RHBDD1: variants seen among roughly 807,000 people sequenced by gnomAD.
RHBDD1 encodes rhomboid-related protein 4.
Under a neutral mutation model 36.3 loss-of-function variants are expected in RHBDD1, and 38 were observed. That is an observed-to-expected ratio of 1.05 (90% CI 0.81 to 1.37). RHBDD1 has a LOEUF of 1.37. Among genes scored for constraint, RHBDD1 ranks in the 40% most tolerant of loss-of-function variants. The pLI is 0.00. For synonymous variants in RHBDD1, 151 were observed against 136.5 expected (o/e 1.11, Z -0.74); for missense variants, 393 against 377.6 (o/e 1.04, Z -0.34).
At chr2:226,911,909 G>C (rs1356644685) in intron 7 of RHBDD1, among the ~76,000 whole-genome samples, 1 of 151,808 alleles carries the variant, frequency 6.6e-6, no homozygotes, top group Non-Finnish European at 1.5e-5. Context: ...ACTGCACTGG[G>C]GCAAAGCTTT....
chr2:226,933,584 CAT>C (rs1950161024), intron 8 of RHBDD1, among the ~76,000 whole-genome samples: 1 of 151,990 alleles, frequency 6.6e-6, no homozygotes, highest in African/African-American at 2.4e-5. Context: ...AGGAAGTGCT[CAT>C]GTGTCATTTT....
At chr2:226,864,438 G>T (rs1944142561) in intron 3 of RHBDD1, among the ~76,000 whole-genome samples, 166 bp from the exon 4 acceptor site, 1 of 152,178 alleles carries the variant, frequency 6.6e-6, no homozygotes. Flanking sequence ...TGAAGGAAGG[G>T]TGTCAGTCAG....
In RHBDD1 at chr2:226,997,207, C is replaced by G. The variant is rs1468311424; in HGVS notation, c.*1685C>G. 1 of 152,150 alleles carries G rather than the reference C, an allele frequency of 6.6e-6. No homozygotes were observed. The highest frequency in any genetic ancestry group is 2.4e-5 in the African/African-American group (1 of 41,422). 9.4% of individuals were successfully genotyped at this position (152,150 alleles called of 1,614,324 possible). A position where few individuals can be genotyped will look rare whatever the true frequency, so the allele number is the denominator to read the frequency against. On this transcript the variant is annotated 3_prime_UTR_variant, in exon 9 of 9. Transcript: ENST00000392062. ...TATAACTGATATAAAACTACATCTTCTTTATAATATAAATTGTACCTGTGA... is the reference window on the plus strand; with the variant it reads ...TATAACTGATATAAAACTACATCTTGTTTATAATATAAATTGTACCTGTGA...
chr2:226,812,647 C>CT, the RHBDD1 span, among the ~76,000 whole-genome samples: 28 of 150,394 alleles, frequency 1.9e-4, no homozygotes, highest in South Asian at 1.1e-3. Context: ...CTCTCTCTCT[C>CT]TTTTTTTTTG....
At position 226,860,793 on chromosome 2, in the gene RHBDD1, A is replaced by G. The variant is rs530541314; in HGVS notation, c.-90-3811A>G. Among the ~76,000 whole-genome samples, 4 of 152,312 alleles carry G rather than the reference A, an allele frequency of 2.6e-5. No homozygotes were observed. In the South Asian group the frequency reaches 8.3e-4, roughly 32 times the overall value. On this transcript the variant is annotated intron_variant, in intron 3 of 8. Transcript: ENST00000392062. ...CAAAGGTGGAGCCCAAAAGACGGGCACTTCTCACATTGGCTATGGTTATAT... is the reference window on the plus strand; with the variant it reads ...CAAAGGTGGAGCCCAAAAGACGGGCGCTTCTCACATTGGCTATGGTTATAT...
chr2:226,895,584 G>C (rs557882304), intron 5 of RHBDD1: 20 of 725,380 alleles, frequency 2.8e-5, no homozygotes, highest in Non-Finnish European at 3.0e-5. Context: ...GGGAGTCGGG[G>C]GAGATTCTTG....
intron 8 of RHBDD1, among the ~76,000 whole-genome samples, chr2:226,966,428 T>C (rs747841396): frequency 5.3e-5 from 8 of 152,156 alleles, no homozygotes. Flanking sequence ...ACGGACATGC[T>C]TCGTGTTTTC....
intron 5 of RHBDD1, among the ~76,000 whole-genome samples, chr2:226,896,097 T>C (rs573650148): frequency 6.6e-6 from 1 of 152,358 alleles, no homozygotes; most frequent in South Asian, 2.1e-4. Flanking sequence ...TGTATACAAT[T>C]ATTCTAGGAA....
chr2:226,979,674 TC>T (rs1164245391), intron 8 of RHBDD1, among the ~76,000 whole-genome samples: 1 of 152,176 alleles, frequency 6.6e-6, no homozygotes, highest in East Asian at 1.9e-4. Flanking sequence ...ATACTGGCAA[TC>T]CACTGGATGG....
the RHBDD1 span, among the ~76,000 whole-genome samples, chr2:226,802,310 A>G: frequency 6.6e-6 from 1 of 152,200 alleles, no homozygotes; most frequent in African/African-American, 2.4e-5. Flanking sequence ...GTTCAGACCA[A>G]TGGGTTTCCT....
At chr2:226,939,642 C>A (rs1950546299) in intron 8 of RHBDD1, among the ~76,000 whole-genome samples, 1 of 152,208 alleles carries the variant, frequency 6.6e-6, no homozygotes, top group Non-Finnish European at 1.5e-5. Flanking sequence ...AAAAGCATTC[C>A]ATGCTCATGG....
the RHBDD1 span, among the ~76,000 whole-genome samples, chr2:226,818,251 C>A: frequency 6.7e-6 from 1 of 149,742 alleles, no homozygotes; most frequent in Non-Finnish European, 1.5e-5. Flanking sequence ...CCTCCGCCTC[C>A]CATGTTCACA....
chr2:226,971,866 C>T (rs1575333667), intron 8 of RHBDD1, among the ~76,000 whole-genome samples: 1 of 149,840 alleles, frequency 6.7e-6, no homozygotes, highest in Non-Finnish European at 1.5e-5. Flanking sequence ...TGGCAAGGAA[C>T]TTATTGAACA....
intron 8 of RHBDD1, among the ~76,000 whole-genome samples, chr2:226,968,480 T>C (rs1268893130): frequency 6.6e-6 from 1 of 152,188 alleles, no homozygotes; most frequent in Non-Finnish European, 1.5e-5. Flanking sequence ...CTCATCCACA[T>C]TATCTAAAAT....
intron 8 of RHBDD1, among the ~76,000 whole-genome samples, chr2:226,980,261 C>T (rs1955406537): frequency 6.6e-6 from 1 of 152,028 alleles, no homozygotes; most frequent in African/African-American, 2.4e-5. Flanking sequence ...GAGGCAAAGC[C>T]AGTATTCAAC....
At chr2:226,892,092 A>G (rs1012978593) in intron 5 of RHBDD1, among the ~76,000 whole-genome samples, 2 of 152,214 alleles carry the variant, frequency 1.3e-5, no homozygotes, top group Non-Finnish European at 2.9e-5. Flanking sequence ...TTGTTCACAA[A>G]TGTTCAGCCT....
chr2:226,965,520 G>A (rs1181232570), intron 8 of RHBDD1, among the ~76,000 whole-genome samples: 1 of 152,160 alleles, frequency 6.6e-6, no homozygotes, highest in Non-Finnish European at 1.5e-5. Context: ...TAGTAGCTGT[G>A]GAGGAGGTGT....
At chr2:226,942,338 A>G (rs547305518) in intron 8 of RHBDD1, among the ~76,000 whole-genome samples, 2 of 151,352 alleles carry the variant, frequency 1.3e-5, no homozygotes, top group South Asian at 2.1e-4. Flanking sequence ...TCCCGGGTTC[A>G]TGCCATTCTC....
chr2:226,997,659 T>C lies in RHBDD1; in HGVS notation c.*2137T>C, dbSNP rs185756834. The C allele has an allele frequency of 6.6e-6, 1 of 152,316 alleles. No homozygotes were observed. The highest frequency in any genetic ancestry group is 1.9e-4 in the East Asian group (1 of 5,188). 9.4% of individuals were successfully genotyped at this position (152,316 alleles called of 1,614,324 possible). A position where few individuals can be genotyped will look rare whatever the true frequency, so the allele number is the denominator to read the frequency against. ...TTTTTATATCACTTGAGTCCACTAGTAGTACTTCCTTGCTCTGTTTGACTT... is the reference window on the plus strand; with the variant it reads ...TTTTTATATCACTTGAGTCCACTAGCAGTACTTCCTTGCTCTGTTTGACTT... On this transcript the variant is annotated 3_prime_UTR_variant, in exon 9 of 9. Transcript: ENST00000392062.
Sources: allele counts gnomAD v4.1 joint callset (sites outside exome capture counted in the v4.1 genomes callset), GRCh38; gene constraint gnomAD v4.1.1; transcripts MANE v1.5; gene names NCBI Gene and HGNC (gene_info 2026-07-23, HGNC 2026-07-21).